PCNX2: variants seen among roughly 807,000 people sequenced by gnomAD.
The protein encoded by PCNX2 is pecanex-like protein 2.
PCNX2 carries 168 observed loss-of-function variants against 223.8 expected under a neutral mutation model. The ratio of observed to expected loss-of-function variants is 0.75; its 90% CI spans 0.66 to 0.85. PCNX2 has a LOEUF of 0.85. Ranked by LOEUF, PCNX2 falls within the 40% of genes least tolerant of loss-of-function variation. PCNX2 has a pLI of 0.00. For missense variants in PCNX2, 2,507 were observed against 2,675.5 expected, an observed-to-expected ratio of 0.94 and a Z score of 1.39; for synonymous variants, 1,006 against 1,052.6, an observed-to-expected ratio of 0.96 and a Z score of 0.86.
chr1:232,986,575 G>A, intron 32 of PCNX2, 35 bp from the exon 33 acceptor site: 2 of 1,466,162 alleles, frequency 1.4e-6, no homozygotes. Context: ...GTTGTAGCGG[G>A]TGGGTCATGA....
chr1:233,274,066 C>T (rs1660787939), intron 1 of PCNX2, among the ~76,000 whole-genome samples: 1 of 152,210 alleles, frequency 6.6e-6, no homozygotes, highest in Admixed American at 6.5e-5. Flanking sequence ...ATGGTCCCAA[C>T]AAAATTTGTC....
intron 21 of PCNX2, among the ~76,000 whole-genome samples, chr1:233,108,560 T>C (rs993328738): frequency 6.6e-6 from 1 of 152,230 alleles, no homozygotes; most frequent in African/African-American, 2.4e-5. Context: ...AGAACATGTC[T>C]GATGTGGCGC....
chr1:233,266,751 C>T (rs79213358), intron 1 of PCNX2, among the ~76,000 whole-genome samples: 1,554 of 152,312 alleles, frequency 0.01, 15 homozygotes, highest in South Asian at 0.029. Context: ...CATTTTAACA[C>T]ATTCTAGTTA....
chr1:233,282,562 C>T, intron 1 of PCNX2, among the ~76,000 whole-genome samples: 1 of 152,180 alleles, frequency 6.6e-6, no homozygotes, highest in East Asian at 1.9e-4. Context: ...GATAATCAGG[C>T]ATCTCCCTTG....
At chr1:233,248,831 A>G (rs1659282797) in intron 8 of PCNX2, among the ~76,000 whole-genome samples, 1 of 152,188 alleles carries the variant, frequency 6.6e-6, no homozygotes, top group Non-Finnish European at 1.5e-5. Context: ...GTTGCCTCTC[A>G]GTCCATCACC....
At chr1:233,033,358 T>C (rs1028763811) in intron 25 of PCNX2, among the ~76,000 whole-genome samples, 1 of 152,232 alleles carries the variant, frequency 6.6e-6, no homozygotes, top group South Asian at 2.1e-4. Context: ...AGAAACAATG[T>C]CAAGGGTCCT....
chr1:233,079,506 C>T (rs1234919254), intron 23 of PCNX2, among the ~76,000 whole-genome samples: 8 of 138,114 alleles, frequency 5.8e-5, no homozygotes, highest in South Asian at 4.5e-4. Context: ...CCAGCCTGGG[C>T]GACAGTGCAA....
At chr1:233,134,042 T>G (rs568737947) in intron 21 of PCNX2, among the ~76,000 whole-genome samples, 1 of 151,982 alleles carries the variant, frequency 6.6e-6, no homozygotes, top group Non-Finnish European at 1.5e-5. Flanking sequence ...TGAACAGAAC[T>G]GATTAAGAGG....
chr1:233,004,500 C>G (rs1336085443), intron 28 of PCNX2, among the ~76,000 whole-genome samples: 1 of 151,246 alleles, frequency 6.6e-6, no homozygotes, highest in East Asian at 1.9e-4. Flanking sequence ...TAAATATTCT[C>G]TATCACGGCC....
Position 233,246,021 on chromosome 1 carries a change from A to AC in PCNX2, c.2222+4717dup, listed in dbSNP as rs535411081. ...CATTTCTAGCTCCCTGTGGAAAAAA[A>AC]CGGAAAATCCTATCACCTGGGACTT... On this transcript the variant is annotated intron_variant, in intron 8 of 33. Coordinates refer to ENST00000258229, the MANE Select transcript of PCNX2 (RefSeq NM_014801.4). 3.8e-4 allele frequency among the ~76,000 whole-genome samples: 58 copies of AC among 152,130 alleles called. No homozygotes were observed. In the East Asian group the frequency reaches 5.0e-3, roughly 13 times the overall value.
At chr1:233,035,406 G>A (rs1305559044) in intron 25 of PCNX2, among the ~76,000 whole-genome samples, 1 of 152,196 alleles carries the variant, frequency 6.6e-6, no homozygotes, top group African/African-American at 2.4e-5. Context: ...CATTGTAAAT[G>A]TTTAAAACTA....
chr1:233,004,147 A>T (rs1214832413), intron 28 of PCNX2, among the ~76,000 whole-genome samples: 5 of 152,212 alleles, frequency 3.3e-5, no homozygotes, highest in African/African-American at 7.2e-5. Flanking sequence ...AATTAAAAAA[A>T]AAAAGAATTC....
chr1:233,172,586 A>T, intron 17 of PCNX2: 3 of 974,264 alleles, frequency 3.1e-6, no homozygotes, highest in Non-Finnish European at 3.7e-6. Context: ...ATGGTCTGGC[A>T]TTGGACACCC....
intron 21 of PCNX2, among the ~76,000 whole-genome samples, chr1:233,109,576 G>A (rs902062112): frequency 1.1e-4 from 16 of 152,156 alleles, no homozygotes; most frequent in South Asian, 2.1e-4. Context: ...GGACACAGTC[G>A]AGGAAATAAT....
At chr1:233,124,319 A>G (rs1558255318) in intron 21 of PCNX2, among the ~76,000 whole-genome samples, 1 of 152,028 alleles carries the variant, frequency 6.6e-6, no homozygotes, top group Admixed American at 6.5e-5. Context: ...TATCCAGCAG[A>G]CAGCAAACTG....
the PCNX2 span, among the ~76,000 whole-genome samples, chr1:233,303,567 T>A: frequency 6.6e-6 from 1 of 152,250 alleles, no homozygotes; most frequent in Non-Finnish European, 1.5e-5. Context: ...ACATATTATA[T>A]ACACACTATG....
At chr1:233,082,789 G>A (rs1040130754) in intron 23 of PCNX2, among the ~76,000 whole-genome samples, 4 of 152,180 alleles carry the variant, frequency 2.6e-5, no homozygotes, top group African/African-American at 9.7e-5. Flanking sequence ...CTGTGAAGTT[G>A]AGAACTTCTT....
intron 25 of PCNX2, among the ~76,000 whole-genome samples, chr1:233,050,175 C>A (rs576212267): frequency 6.6e-6 from 1 of 151,962 alleles, no homozygotes; most frequent in Admixed American, 6.6e-5. Context: ...CATCATGGCA[C>A]GTGTATATCT....
chr1:232,986,684 G>C, intron 32 of PCNX2, 144 bp from the exon 33 acceptor site: 1 of 772,760 alleles, frequency 1.3e-6, no homozygotes. Flanking sequence ...AGAGCTGGAA[G>C]CCTGACCACT....
Sources: allele counts gnomAD v4.1 joint callset (sites outside exome capture counted in the v4.1 genomes callset), GRCh38; gene constraint gnomAD v4.1.1; transcripts MANE v1.5; gene names NCBI Gene and HGNC (gene_info 2026-07-23, HGNC 2026-07-21).